The following CCSER1 variants were observed in gnomAD, a reference collection of about 807,000 sequenced individuals.
The protein encoded by CCSER1 is serine-rich coiled-coil domain-containing protein 1.
A neutral mutation model predicts 82.0 loss-of-function variants in CCSER1; 41 were observed. That is an observed-to-expected ratio of 0.50 (90% CI 0.39 to 0.65). The LOEUF is 0.65. Among genes scored for constraint, CCSER1 ranks in the 30% least tolerant of loss-of-function variants. The probability of loss-of-function intolerance (pLI) is 0.00; values close to 1 mark genes in which losing one functional copy is unlikely to be tolerated. For synonymous variants in CCSER1, 414 were observed against 383.9 expected, an observed-to-expected ratio of 1.08 and a Z score of -0.92; for missense variants, 1,119 against 1,064.2, an observed-to-expected ratio of 1.05 and a Z score of -0.72.
intron 5 of CCSER1, among the ~76,000 whole-genome samples, chr4:90,591,694 A>G (rs756802009): frequency 2.6e-5 from 4 of 152,212 alleles, no homozygotes; most frequent in Non-Finnish European, 5.9e-5. Context: ...GTATACACCC[A>G]AAGGGTTATA....
At chr4:90,265,631 C>T (rs910692357) in intron 1 of CCSER1, among the ~76,000 whole-genome samples, 84 of 151,980 alleles carry the variant, frequency 5.5e-4, no homozygotes, top group African/African-American at 1.9e-3. Context: ...CCAATTATTA[C>T]AAAATAAAAC....
intron 4 of CCSER1, among the ~76,000 whole-genome samples, chr4:90,449,063 A>G (rs1761086773): frequency 1.3e-5 from 2 of 152,176 alleles, no homozygotes; most frequent in African/African-American, 4.8e-5. Context: ...GCTCTCAGCT[A>G]GGAGGGAAAC....
intron 8 of CCSER1, among the ~76,000 whole-genome samples, chr4:90,831,799 T>C (rs1395337350): frequency 6.6e-6 from 1 of 152,216 alleles, no homozygotes; most frequent in Non-Finnish European, 1.5e-5. Context: ...TTGAAAACTT[T>C]TTAAATGAAA....
intron 6 of CCSER1, among the ~76,000 whole-genome samples, chr4:90,693,921 G>A (rs1736510411): frequency 6.6e-6 from 1 of 151,630 alleles, no homozygotes; most frequent in African/African-American, 2.4e-5. Context: ...GAGGAGGAGA[G>A]AGAGAGGGGA....
chr4:90,305,773 G>A (rs961117141), intron 1 of CCSER1, among the ~76,000 whole-genome samples: 22 of 152,152 alleles, frequency 1.4e-4, no homozygotes, highest in Non-Finnish European at 1.5e-5. Context: ...CAGTATGGAG[G>A]TTCCTCAAAA....
chr4:90,697,024 G>A (rs1021870481), intron 6 of CCSER1, among the ~76,000 whole-genome samples: 1 of 152,124 alleles, frequency 6.6e-6, no homozygotes, highest in African/African-American at 2.4e-5. Flanking sequence ...AACAGATACA[G>A]AGCATTCTGG....
chr4:90,691,388 ATATG>A (rs1248175536), intron 6 of CCSER1, among the ~76,000 whole-genome samples: 2 of 151,924 alleles, frequency 1.3e-5, no homozygotes, highest in African/African-American at 4.8e-5. Flanking sequence ...AAACTCATAT[ATATG>A]TGTGTATCCC....
Position 91,418,831 on chromosome 4 carries a change from T to C in CCSER1, c.2218-179741T>C, listed in dbSNP as rs148517714. Among the ~76,000 whole-genome samples the C allele has an allele frequency of 7.0e-3, 1,064 of 152,064 alleles. 10 individuals carry two copies. The highest frequency in any genetic ancestry group is 0.024 in the African/African-American group (1,003 of 41,462). On this transcript the variant is annotated intron_variant, in intron 10 of 10. Transcript: ENST00000509176. Reference sequence around the variant, plus strand: ...GGCCAATATCCCTGATAAACGTATATGCAAAAATCCTCAAGAAAATGCTAG... The same window carrying C: ...GGCCAATATCCCTGATAAACGTATACGCAAAAATCCTCAAGAAAATGCTAG...
At chr4:90,452,504 C>G (rs769360232) in intron 4 of CCSER1, among the ~76,000 whole-genome samples, 11 of 152,292 alleles carry the variant, frequency 7.2e-5, no homozygotes, top group Non-Finnish European at 1.5e-4. Context: ...CTGCAACTGC[C>G]AAGAGGCAGG....
intron 10 of CCSER1, among the ~76,000 whole-genome samples, chr4:91,371,812 T>A (rs1254945297): frequency 6.6e-6 from 1 of 151,338 alleles, no homozygotes. Flanking sequence ...CTATTCTACC[T>A]GTGACCATCA....
At chr4:90,850,895 G>A (rs958215519) in intron 8 of CCSER1, among the ~76,000 whole-genome samples, 10 of 152,146 alleles carry the variant, frequency 6.6e-5, no homozygotes, top group African/African-American at 1.9e-4. Flanking sequence ...GTTTGGCTTT[G>A]TATCCCCACC....
At chr4:90,348,475 G>A (rs1173887692) in intron 3 of CCSER1, among the ~76,000 whole-genome samples, 1 of 151,858 alleles carries the variant, frequency 6.6e-6, no homozygotes, top group Non-Finnish European at 1.5e-5. Flanking sequence ...TCTCAATAGG[G>A]CAAATTTTTA....
intron 10 of CCSER1, among the ~76,000 whole-genome samples, chr4:91,168,483 C>T (rs1388279709): frequency 4.7e-5 from 7 of 148,436 alleles, no homozygotes; most frequent in East Asian, 2.1e-4. Context: ...GCAGCCGCCC[C>T]GTCTGGGAAG....
intron 10 of CCSER1, among the ~76,000 whole-genome samples, chr4:91,200,737 A>T (rs1383979092): frequency 6.6e-6 from 1 of 152,048 alleles, no homozygotes; most frequent in Non-Finnish European, 1.5e-5. Flanking sequence ...AGCATTTAAC[A>T]GACTCCAATG....
chr4:91,188,824 C>A (rs1734778272), intron 10 of CCSER1, among the ~76,000 whole-genome samples: 1 of 152,064 alleles, frequency 6.6e-6, no homozygotes, highest in South Asian at 2.1e-4. Flanking sequence ...GGCTATATGC[C>A]TGTCAGAAAA....
chr4:91,275,783 A>G (rs1581888684), intron 10 of CCSER1, among the ~76,000 whole-genome samples: 1 of 152,218 alleles, frequency 6.6e-6, no homozygotes, highest in African/African-American at 2.4e-5. Context: ...TAGCAGTTTT[A>G]TAGTTTCAGC....
At chr4:91,140,925 G>C (rs890233645) in intron 10 of CCSER1, among the ~76,000 whole-genome samples, 2 of 152,170 alleles carry the variant, frequency 1.3e-5, no homozygotes, top group Non-Finnish European at 2.9e-5. Context: ...AGTGAGAAGA[G>C]CATCCAATAG....
At chr4:91,045,783 A>G (rs1430065954) in intron 9 of CCSER1, among the ~76,000 whole-genome samples, 1 of 145,326 alleles carries the variant, frequency 6.9e-6, no homozygotes, top group East Asian at 2.1e-4. Flanking sequence ...ATCTTGGGGT[A>G]TAATTTTCAC....
At chr4:90,544,178 T>G (rs1245534165) in intron 5 of CCSER1, among the ~76,000 whole-genome samples, 1 of 152,096 alleles carries the variant, frequency 6.6e-6, no homozygotes, top group Non-Finnish European at 1.5e-5. Context: ...ATTGGAATCC[T>G]TTGTCGTGGA....
Sources: gnomAD v4.1 joint callset for allele counts (sites outside exome capture counted in the v4.1 genomes callset) on GRCh38, gnomAD v4.1.1 for gene constraint, MANE v1.5 for transcripts, NCBI Gene and HGNC (gene_info 2026-07-23, HGNC 2026-07-21) for gene names.